The following NEB variants were observed in gnomAD, a reference collection of about 807,000 sequenced individuals.
NEB encodes nemaline myopathy type 2.
A neutral mutation model predicts 952.2 loss-of-function variants in NEB; 512 were observed. The ratio of observed to expected loss-of-function variants is 0.54; its 90% CI spans 0.50 to 0.58. NEB has a LOEUF of 0.58. Among genes scored for constraint, NEB ranks in the 20% least tolerant of loss-of-function variants. The probability of loss-of-function intolerance (pLI) is 0.00; values close to 1 mark genes in which losing one functional copy is unlikely to be tolerated. For missense variants in NEB, 8,428 were observed against 9,231.1 expected, an observed-to-expected ratio of 0.91 and a Z score of 3.56; for synonymous variants, 2,900 against 3,149.8, an observed-to-expected ratio of 0.92 and a Z score of 2.66.
At position 151,610,550 on chromosome 2, in the gene NEB, T is replaced by G; in HGVS notation, c.11984A>C (p.Lys3995Thr). 4.3e-6 allele frequency: 7 copies of G among 1,613,686 alleles called. No individual in the cohort carries two copies. Among genetic ancestry groups the G allele is most frequent in the Non-Finnish European group, 5.1e-6 (6 of 1,179,610 alleles). The change falls in exon 80 of 182, where the codon AAA (lysine) becomes ACA (threonine). Residue 3995 changes from lysine (K) to threonine (T), a missense_variant. By Grantham distance (78) the Lys-to-Thr change is moderately conservative. Coordinates refer to ENST00000397345, the MANE Select transcript of NEB (RefSeq NM_001164508.2). ...GATGTCCCTGGAGGCCTTGGCACTT[T>G]TGATGGAAATAGCATCTGCTCTCAG... is the stretch of plus-strand genomic sequence containing the variant. ...YDLRADAISI[K>T]SAKASRDIAS... is the part of the protein sequence containing the mutation.
intron 10 of NEB, among the ~76,000 whole-genome samples, chr2:151,713,446 T>G (rs368426954): frequency 3.7e-4 from 56 of 152,286 alleles, no homozygotes; most frequent in African/African-American, 1.3e-3. Flanking sequence ...ATCTTTCCAA[T>G]TCTATGTGAT....
chr2:151,549,518 C>G (rs2095118283), intron 130 of NEB, 118 bp downstream of exon 130: 1 of 729,816 alleles, frequency 1.4e-6, no homozygotes, highest in Non-Finnish European at 2.4e-6. Context: ...CAGCTCCCAT[C>G]ATTCTATCAG....
chr2:151,722,713 T>A (rs1227565666), intron 9 of NEB, among the ~76,000 whole-genome samples: 1 of 152,092 alleles, frequency 6.6e-6, no homozygotes, highest in Non-Finnish European at 1.5e-5. Context: ...TTGGCTAATT[T>A]TTTAAAAATA....
rs773017505 is a variant in NEB, at chr2:151,725,543, C to A, written c.312G>T (p.Lys104Asn). The change falls in exon 6 of 182, where the codon AAG becomes AAT. Residue 104 changes from lysine to asparagine, a missense_variant. Lys to Asn is a moderately conservative substitution (Grantham distance 94). Around this residue, in one of 11 missense-constraint regions of NEB, gnomAD observed 2,851 missense variants for 2,791.5 expected, o/e 1.02. Transcript: ENST00000397345. ...DLFSPNKYKE[K>N]FEKTKGQPYA... ...ATGGCTGTCCTTTTGTTTTCTCAAA[C>A]TTCTCCTTGTATTTATTCTGAAAAG... 3 of 1,613,416 alleles carry A rather than the reference C, an allele frequency of 1.9e-6. No individual in the cohort carries two copies. The highest frequency in any genetic ancestry group is 1.1e-5 in the South Asian group (1 of 91,068).
In NEB at chr2:151,612,231, A is replaced by G; in HGVS notation, c.11760T>C (p.Thr3920=). 1.2e-6 allele frequency: 2 copies of G among 1,613,836 alleles called. No homozygotes were observed. ...TATTCTTTGCTAGGACAATTTCCGG[A>G]GTGTCGGTAATGCATGTGAATTTGA... ...DQLKFTCITD[T]PEIVLAKNNA... The change falls in exon 78 of 182, where the codon ACT becomes ACC. Residue 3920 remains threonine (T), a synonymous_variant. Coordinates refer to ENST00000397345, the MANE Select transcript of NEB (RefSeq NM_001164508.2).
intron 68 of NEB, 95 bp from the exon 69 acceptor site, chr2:151,627,929 C>A: frequency 1.4e-6 from 2 of 1,438,300 alleles, no homozygotes; most frequent in South Asian, 1.4e-5. Flanking sequence ...ATTGCTAATT[C>A]TTGCAGAGTA....
chr2:151,731,100 A>C (rs1287657941), intron 3 of NEB, among the ~76,000 whole-genome samples: 1 of 152,206 alleles, frequency 6.6e-6, no homozygotes, highest in Non-Finnish European at 1.5e-5. Flanking sequence ...ATATTAAAAT[A>C]AAATGGAAGA....
chr2:151,671,256 A>T, intron 37 of NEB, 27 bp from the exon 38 acceptor site: 4 of 1,562,598 alleles, frequency 2.6e-6, no homozygotes, highest in Non-Finnish European at 3.5e-6. Flanking sequence ...TAATATGAGA[A>T]GATACCCTGG....
intron 24 of NEB, chr2:151,689,897 T>G (rs754985741): frequency 6.6e-6 from 1 of 152,202 alleles, no homozygotes; most frequent in Non-Finnish European, 1.5e-5. Context: ...ACTAATTGGG[T>G]ATGAGCTAAT....
Position 151,529,322 on chromosome 2 carries a change from A to G in NEB, c.21631-8T>C, listed in dbSNP as rs1394610862. Reference sequence around the variant, plus strand: ...TACTTCTTTGTATTTCAGCTGTGGGAGGAAACACAGTGACAAGATTAATTT... The same window carrying G: ...TACTTCTTTGTATTTCAGCTGTGGGGGGAAACACAGTGACAAGATTAATTT... On this transcript the variant is annotated splice_region_variant and splice_polypyrimidine_tract_variant and intron_variant, in intron 145 of 181. Coordinates refer to ENST00000397345, the MANE Select transcript of NEB (RefSeq NM_001164508.2). The G allele has an allele frequency of 3.2e-6, 5 of 1,554,716 alleles. No homozygotes were observed. The highest frequency in any genetic ancestry group is 4.4e-6 in the Non-Finnish European group (5 of 1,126,036).
chr2:151,564,013 G>T, intron 117 of NEB, 83 bp from the exon 118 acceptor site: 1 of 1,011,048 alleles, frequency 9.9e-7, no homozygotes, highest in Non-Finnish European at 1.5e-6. Flanking sequence ...TAATTAAGGT[G>T]AAACATGTAT....
chr2:151,706,562 A>C (rs2099707120), intron 13 of NEB, among the ~76,000 whole-genome samples: 1 of 151,852 alleles, frequency 6.6e-6, no homozygotes, highest in African/African-American at 2.4e-5. Flanking sequence ...TGTCAAAATC[A>C]CAACACGTCT....
At chr2:151,509,900 G>A (rs566476860) in intron 161 of NEB, among the ~76,000 whole-genome samples, 19 of 152,272 alleles carry the variant, frequency 1.2e-4, no homozygotes, top group African/African-American at 3.4e-4. Context: ...GAGCCACTGC[G>A]CCCGACCAAG....
At chr2:151,659,869 G>A (rs1054235423) in intron 46 of NEB, among the ~76,000 whole-genome samples, 13 of 152,026 alleles carry the variant, frequency 8.6e-5, no homozygotes, top group African/African-American at 1.7e-4. Flanking sequence ...TTAGAGCTAC[G>A]TAGTATTTCA....
rs369174368 is a variant in NEB at position 151,491,703 on chromosome 2, C to G, written c.25130G>C (p.Arg8377Pro). The G allele has an allele frequency of 6.3e-7, 1 of 1,595,884 alleles. No homozygotes were observed. The highest frequency in any genetic ancestry group is 8.5e-7 in the Non-Finnish European group (1 of 1,170,504). Residue 8377 changes from arginine (R) to proline (P), a missense_variant, in exon 179 of 182, where the codon CGA (arginine) becomes CCA (proline). Transcript: ENST00000397345. ...CACACCATTAATCATGTGTAAGCTT[C>G]GGGACTGGATGTTGTCTTCTGCTGG... Reference protein sequence around the residue: ...YDPAEDNIQSRSLHMINVQAQ... With the variant: ...YDPAEDNIQSPSLHMINVQAQ...
At chr2:151,534,870 C>G (rs1043130304) in intron 142 of NEB, among the ~76,000 whole-genome samples, 1 of 152,138 alleles carries the variant, frequency 6.6e-6, no homozygotes, top group Non-Finnish European at 1.5e-5. Context: ...TGGAAATCTA[C>G]TGAAAGTGAA....
intron 111 of NEB, 86 bp from the exon 112 acceptor site, chr2:151,568,503 T>C: frequency 6.8e-7 from 1 of 1,462,250 alleles, no homozygotes; most frequent in African/African-American, 1.4e-5. Flanking sequence ...GCATCCATCA[T>C]TTCAATGATT....
rs990382620 is a variant in NEB, at chr2:151,642,584, A to G, written c.8363T>C (p.Ile2788Thr). The G allele has an allele frequency of 1.6e-5, 26 of 1,611,000 alleles. No homozygotes were observed. The highest frequency in any genetic ancestry group is 6.7e-5 in the African/African-American group (5 of 74,866). ...PIKAAKASRD[I>T]ASEFKYKEGY... The stretch of plus-strand genomic sequence containing the variant: ...TCCAAGTATACTTACTTCACTTGCA[A>G]TATCTCTGGAGGCCTTGGCTGCCTT... The change falls in exon 60 of 182, where the codon ATT (isoleucine) becomes ACT (threonine). Residue 2788 changes from isoleucine to threonine, a missense_variant. Ile to Thr is a moderately conservative substitution (Grantham distance 89, BLOSUM62 -1). Around this residue, in one of 11 missense-constraint regions of NEB, gnomAD observed 1,772 missense variants for 1,960.3 expected, o/e 0.90. Transcript: ENST00000397345.
chr2:151,519,850 A>G (rs900552787), intron 153 of NEB, 82 bp from the exon 154 acceptor site: 10 of 877,356 alleles, frequency 1.1e-5, no homozygotes, highest in Non-Finnish European at 1.9e-5. Flanking sequence ...CACAAATGCC[A>G]AAGAATATGC....
Sources: gnomAD v4.1 joint callset for allele counts (sites outside exome capture counted in the v4.1 genomes callset) on GRCh38, gnomAD v4.1.1 for gene constraint, gnomAD v4.1.1 regional missense constraint, MANE v1.5 for transcripts, NCBI Gene and HGNC (gene_info 2026-07-23, HGNC 2026-07-21) for gene names.